PTPRT: variants seen among roughly 807,000 people sequenced by gnomAD.
PTPRT encodes receptor-type tyrosine-protein phosphatase T.
PTPRT carries 56 observed loss-of-function variants against 176.8 expected under a neutral mutation model. The observed-to-expected ratio is 0.32, with a 90% CI of 0.26 to 0.40. The LOEUF (loss-of-function observed/expected upper bound fraction) is 0.40, where lower values mean the gene tolerates loss of function less well. PTPRT is among the 10% of genes least tolerant of loss of function. PTPRT has a pLI of 1.00. For missense variants in PTPRT, 1,540 were observed against 1,908.2 expected, an observed-to-expected ratio of 0.81 and a Z score of 3.60; for synonymous variants, 783 against 739.0, an observed-to-expected ratio of 1.06 and a Z score of -0.96.
chr20:42,079,606 C>T lies in PTPRT; in HGVS notation c.*1273G>A, dbSNP rs73907081. 0.019 allele frequency: 4,358 copies of T among 226,500 alleles called. 178 individuals are homozygous for T. The highest frequency in any genetic ancestry group is 0.089 in the African/African-American group (4,015 of 45,018). 14.0% of individuals were successfully genotyped at this position (226,500 alleles called of 1,614,324 possible). On this transcript the variant is annotated 3_prime_UTR_variant, in exon 31 of 31. Transcript: ENST00000373187. ...GTTGGTTCCCTCTCATTGACTCACT[C>T]ACACTTTGGACAAGACCCTAGATCT...
chr20:42,545,589 T>G (rs2145594887), intron 7 of PTPRT, among the ~76,000 whole-genome samples: 1 of 152,314 alleles, frequency 6.6e-6, no homozygotes, highest in South Asian at 2.1e-4. Context: ...CTCTTCCTAC[T>G]CAAACTGAAA....
intron 7 of PTPRT, among the ~76,000 whole-genome samples, chr20:42,627,362 C>T (rs2074311938): frequency 6.6e-6 from 1 of 151,950 alleles, no homozygotes; most frequent in African/African-American, 2.4e-5. Context: ...CACCTGGGAT[C>T]AAACAACCCT....
intron 9 of PTPRT, 122 bp downstream of exon 9, chr20:42,448,098 C>T (rs567904620): frequency 1.3e-5 from 10 of 782,088 alleles, no homozygotes; most frequent in South Asian, 6.3e-5. Flanking sequence ...TGTCAGAAAC[C>T]TTTTGGTATG....
At chr20:42,940,442 C>A (rs1600576485) in intron 1 of PTPRT, among the ~76,000 whole-genome samples, 1 of 152,150 alleles carries the variant, frequency 6.6e-6, no homozygotes, top group East Asian at 1.9e-4. Flanking sequence ...AACTGATGGG[C>A]TAGAATGACC....
rs562308057 is a variant in PTPRT at position 42,079,024 on chromosome 20, C to T, written c.*1855G>A. 361 of 180,092 alleles carry T rather than the reference C, an allele frequency of 2.0e-3. 1 individual carries two copies. The highest frequency in any genetic ancestry group is 8.1e-3 in the African/African-American group (344 of 42,460). The allele number at this position is 180,092 out of a possible 1,614,324, so 11.2% of individuals were successfully genotyped here. On this transcript the variant is annotated 3_prime_UTR_variant, in exon 31 of 31. Coordinates refer to ENST00000373187, the MANE Select transcript of PTPRT (RefSeq NM_007050.6). ...CCTCATGCCCTGTCTGGGGCTAGAC[C>T]AGCCTTCAAGATGGAGCTTCCTAGG... is the stretch of plus-strand genomic sequence containing the variant.
chr20:42,118,005 C>G (rs1428161233), intron 21 of PTPRT, among the ~76,000 whole-genome samples: 1 of 152,060 alleles, frequency 6.6e-6, no homozygotes, highest in African/African-American at 2.4e-5. Context: ...TTAGGCTGAG[C>G]CATAGGAAAC....
chr20:42,364,543 A>G (rs2058488836), intron 9 of PTPRT, among the ~76,000 whole-genome samples: 1 of 151,942 alleles, frequency 6.6e-6, no homozygotes, highest in African/African-American at 2.4e-5. Flanking sequence ...CTTCTTGGTT[A>G]AAACGATCAT....
rs553517790 is a variant in PTPRT at position 42,143,482 on chromosome 20, G to A, written c.2683-1480C>T. On this transcript the variant is annotated intron_variant, in intron 17 of 30. Coordinates refer to ENST00000373187, the MANE Select transcript of PTPRT (RefSeq NM_007050.6). ...TGAGGCAGGAGAATGGCGTGAACCCGGGAAGCGGAGCTGGCAATGAGCTGA... is the reference window on the plus strand; with the variant it reads ...TGAGGCAGGAGAATGGCGTGAACCCAGGAAGCGGAGCTGGCAATGAGCTGA... Among the ~76,000 whole-genome samples, 73 of 151,900 alleles carry A rather than the reference G, an allele frequency of 4.8e-4. 1 individual carries two copies. Among genetic ancestry groups the A allele is most frequent in the African/African-American group, 1.5e-3 (63 of 41,428 alleles).
rs561642264 is a variant in PTPRT at position 42,905,171 on chromosome 20, A to G, written c.89-19239T>C. On this transcript the variant is annotated intron_variant, in intron 1 of 30. Transcript: ENST00000373187. ...AAAATTTTCACAATCTACCCATCTG[A>G]CAAAGGGCTAATATCCAGAATCTAA... is the stretch of plus-strand genomic sequence containing the variant. Among the ~76,000 whole-genome samples the G allele has an allele frequency of 6.0e-4, 92 of 152,346 alleles. No homozygotes were observed. In the South Asian group the frequency reaches 0.017, roughly 27 times the overall value.
chr20:42,585,192 G>T (rs960585139), intron 7 of PTPRT, among the ~76,000 whole-genome samples: 1 of 152,062 alleles, frequency 6.6e-6, no homozygotes, highest in Non-Finnish European at 1.5e-5. Flanking sequence ...TGACAGCAGG[G>T]GTTTAGATTT....
At chr20:42,518,274 T>C (rs2072105896) in intron 7 of PTPRT, among the ~76,000 whole-genome samples, 1 of 152,062 alleles carries the variant, frequency 6.6e-6, no homozygotes, top group South Asian at 2.1e-4. Flanking sequence ...TGATTTTATG[T>C]TTTAAGTTGT....
At chr20:42,980,814 C>T (rs1243243940) in intron 1 of PTPRT, among the ~76,000 whole-genome samples, 1 of 152,170 alleles carries the variant, frequency 6.6e-6, no homozygotes, top group Non-Finnish European at 1.5e-5. Context: ...TCTTTCTCTG[C>T]TCCTTTAAAA....
At chr20:42,309,960 G>A (rs1018952308) in intron 12 of PTPRT, among the ~76,000 whole-genome samples, 56 of 152,258 alleles carry the variant, frequency 3.7e-4, no homozygotes, top group African/African-American at 1.3e-3. Context: ...AGTGAGTGCT[G>A]GTGGGTGGTT....
rs137905294 is a variant in PTPRT at position 42,960,245 on chromosome 20, T to G, written c.89-74313A>C. Among the ~76,000 whole-genome samples the G allele has an allele frequency of 3.2e-3, 485 of 152,294 alleles. 2 individuals carry two copies. Among genetic ancestry groups the G allele is most frequent in the African/African-American group, 0.011 (454 of 41,562 alleles). On this transcript the variant is annotated intron_variant, in intron 1 of 30. Coordinates refer to ENST00000373187, the MANE Select transcript of PTPRT (RefSeq NM_007050.6). The stretch of plus-strand genomic sequence containing the variant: ...TGGGTAATTTATCAATTGTAGACGT[T>G]TATTTTTCACAGTTCTGAAGGCTGA...
chr20:42,741,741 G>C (rs745379644), intron 6 of PTPRT, among the ~76,000 whole-genome samples: 2 of 152,126 alleles, frequency 1.3e-5, no homozygotes, highest in African/African-American at 4.8e-5. Flanking sequence ...GGATAAGAGA[G>C]GGTGAGAAAG....
intron 7 of PTPRT, among the ~76,000 whole-genome samples, chr20:42,591,407 C>T (rs1223364112): frequency 2.0e-5 from 3 of 152,096 alleles, no homozygotes; most frequent in East Asian, 1.9e-4. Flanking sequence ...TTACAGAGGG[C>T]CTGAAACAGA....
intron 2 of PTPRT, among the ~76,000 whole-genome samples, chr20:42,811,320 G>A (rs1028170529): frequency 7.9e-5 from 12 of 152,030 alleles, no homozygotes; most frequent in Admixed American, 2.6e-4. Flanking sequence ...GAGGATGGGC[G>A]GATGGACGGA....
intron 8 of PTPRT, among the ~76,000 whole-genome samples, chr20:42,459,065 A>G (rs1403648975): frequency 6.6e-6 from 1 of 152,196 alleles, no homozygotes; most frequent in Non-Finnish European, 1.5e-5. Context: ...AGTTTTTAAT[A>G]GAATGGTCTG....
At chr20:42,966,727 CA>C (rs993221302) in intron 1 of PTPRT, among the ~76,000 whole-genome samples, 9 of 152,120 alleles carry the variant, frequency 5.9e-5, no homozygotes, top group African/African-American at 2.2e-4. Flanking sequence ...TGGGCACAAA[CA>C]AGGAGGAAAA....
Sources: allele counts gnomAD v4.1 joint callset (sites outside exome capture counted in the v4.1 genomes callset), GRCh38; gene constraint gnomAD v4.1.1; transcripts MANE v1.5; gene names NCBI Gene and HGNC (gene_info 2026-07-23, HGNC 2026-07-21).